The following TEDC1 variants were observed in gnomAD, a reference collection of about 807,000 sequenced individuals.
The protein encoded by TEDC1 is tubulin epsilon and delta complex protein 1.
A neutral mutation model predicts 59.9 loss-of-function variants in TEDC1; 54 were observed. That is an observed-to-expected ratio of 0.90 (90% CI 0.72 to 1.13). The LOEUF (loss-of-function observed/expected upper bound fraction) is 1.13, where lower values mean the gene tolerates loss of function less well. Ranked by LOEUF, TEDC1 falls within the 50% of genes most tolerant of loss-of-function variation. The probability of loss-of-function intolerance (pLI) is 0.00; values close to 1 mark genes in which losing one functional copy is unlikely to be tolerated. For synonymous variants in TEDC1, 353 were observed against 298.1 expected, an observed-to-expected ratio of 1.18 and a Z score of -1.90; for missense variants, 734 against 683.4, an observed-to-expected ratio of 1.07 and a Z score of -0.83.
chr14:105,491,783 C>T (rs1312188922), intron 2 of TEDC1, 83 bp downstream of exon 2: 3 of 1,440,932 alleles, frequency 2.1e-6, no homozygotes, highest in African/African-American at 2.8e-5. Context: ...CAGTAAGCCC[C>T]GCCCCGGCAG....
At chr14:105,497,651 G>A in intron 7 of TEDC1, 147 bp from the exon 8 acceptor site, 1 of 1,180,698 alleles carries the variant, frequency 8.5e-7, no homozygotes, top group South Asian at 1.6e-5. Context: ...TCTAGAGTGT[G>A]GCCTTTGTGC....
At chr14:105,490,938 G>C, upstream of TEDC1, 1 of 1,221,852 alleles carries the variant, frequency 8.2e-7, no homozygotes, top group South Asian at 1.3e-5. Context: ...CGTGACGATT[G>C]AGCCTGCAAG....
chr14:105,490,990 G>A, upstream of TEDC1: 1 of 1,533,920 alleles, frequency 6.5e-7, no homozygotes. Context: ...GCCCTGCCAG[G>A]AGCCCGGAAG....
chr14:105,493,072 G>T (rs1479616319), intron 4 of TEDC1, among the ~76,000 whole-genome samples: 1 of 152,136 alleles, frequency 6.6e-6, no homozygotes, highest in East Asian at 1.9e-4. Flanking sequence ...CTCCCTCCTG[G>T]GCACTGGAGG....
chr14:105,497,477 C>G, intron 7 of TEDC1, 34 bp downstream of exon 7: 1 of 1,536,518 alleles, frequency 6.5e-7, no homozygotes, highest in East Asian at 2.4e-5. Context: ...TCCCGGCATC[C>G]CTTCCCACAG....
chr14:105,494,337 C>G, intron 5 of TEDC1: 1 of 271,564 alleles, frequency 3.7e-6, no homozygotes, highest in South Asian at 3.6e-5. Flanking sequence ...CCAGCCCACA[C>G]TGGGTGAAGG....
intron 4 of TEDC1, among the ~76,000 whole-genome samples, 195 bp from the exon 5 acceptor site, chr14:105,493,640 C>T (rs1567073736): frequency 1.3e-5 from 2 of 152,144 alleles, no homozygotes; most frequent in Non-Finnish European, 2.9e-5. Flanking sequence ...TTGCAGGAGA[C>T]CCCAGCGGTG....
At chr14:105,494,171 G>T in intron 5 of TEDC1, 1 of 575,084 alleles carries the variant, frequency 1.7e-6, no homozygotes, top group South Asian at 2.0e-5. Context: ...TGGCACGGGT[G>T]GGGGCCCAGG....
In TEDC1 at chr14:105,495,862, G is replaced by T; in HGVS notation, c.685-18G>T. 6.5e-7 allele frequency: 1 copy of T among 1,538,466 alleles called. No homozygotes were observed. On this transcript the variant is annotated intron_variant, in intron 5 of 8. Coordinates refer to ENST00000392523, the MANE Select transcript of TEDC1 (RefSeq NM_001367178.1). ...CACTGGCCAGGTGGACTGGGGCCATGGCTGGCTTCCTTCCAAGGTTTCTGG... is the reference window on the plus strand; with the variant it reads ...CACTGGCCAGGTGGACTGGGGCCATTGCTGGCTTCCTTCCAAGGTTTCTGG...
At chr14:105,493,235 G>A (rs1242047683) in intron 4 of TEDC1, among the ~76,000 whole-genome samples, 2 of 152,114 alleles carry the variant, frequency 1.3e-5, no homozygotes, top group Non-Finnish European at 1.5e-5. Context: ...TGACAGGTGG[G>A]TCTGTGGCAG....
At chr14:105,497,317 C>A in intron 6 of TEDC1, 40 bp from the exon 7 acceptor site, 1 of 1,535,102 alleles carries the variant, frequency 6.5e-7, no homozygotes. Flanking sequence ...TCCATGGGGT[C>A]CCGTGTGAGG....
chr14:105,491,642 C>G lies in TEDC1; in HGVS notation c.168C>G (p.Leu56=), dbSNP rs1555439337. The G allele has an allele frequency of 1.9e-6, 3 of 1,549,768 alleles. No individual in the cohort carries two copies. The highest frequency in any genetic ancestry group is 4.9e-5 in the East Asian group (2 of 40,900). ...CGCAGACCTCCGCGCTCTGGCAGCT[C>G]CTCTTCCGTGTGCTCTCGCCACTCC... is the stretch of plus-strand genomic sequence containing the variant. ...RPEATSALWQ[L]LFRVLSPLPA... Residue 56 remains leucine, a synonymous_variant, in exon 2 of 9, where the codon CTC becomes CTG. Coordinates refer to ENST00000392523, the MANE Select transcript of TEDC1 (RefSeq NM_001367178.1).
intron 4 of TEDC1, among the ~76,000 whole-genome samples, chr14:105,493,335 C>T (rs1211615721): frequency 2.6e-5 from 4 of 152,000 alleles, no homozygotes; most frequent in African/African-American, 4.8e-5. Flanking sequence ...TTTCCAGGGA[C>T]CTCTCACCCC....
chr14:105,495,577 C>T, intron 5 of TEDC1: 1 of 331,000 alleles, frequency 3.0e-6, no homozygotes. Context: ...GGGCTGGCGC[C>T]CACCCAGTCA....
At chr14:105,492,423 TGAAG>T in intron 3 of TEDC1, 114 bp downstream of exon 3, 2 of 1,509,722 alleles carry the variant, frequency 1.3e-6, no homozygotes, top group South Asian at 2.5e-5. Flanking sequence ...GGCAGTCCCA[TGAAG>T]GGTTACCCAG....
At chr14:105,493,955 C>T (rs782645455) in intron 5 of TEDC1, 22 bp downstream of exon 5, 39 of 98,964 alleles carry the variant, frequency 3.9e-4, no homozygotes, top group South Asian at 9.1e-4. Flanking sequence ...CAAGCTGCTG[C>T]GGGGGGGTGG....
chr14:105,492,808 C>T (rs745845509), intron 4 of TEDC1, 74 bp downstream of exon 4: 56 of 1,500,208 alleles, frequency 3.7e-5, no homozygotes, highest in Non-Finnish European at 4.0e-5. Flanking sequence ...GTCCCTGCAG[C>T]CCGTCCCGTG....
In TEDC1 at chr14:105,492,120, C is replaced by T. The variant is rs782276134; in HGVS notation, c.240C>T (p.Arg80=). The T allele has an allele frequency of 4.4e-6, 7 of 1,608,950 alleles. No homozygotes were observed. The highest frequency in any genetic ancestry group is 5.9e-6 in the Non-Finnish European group (7 of 1,178,186). The change falls in exon 3 of 9, where the codon CGC becomes CGT. Residue 80 remains arginine (R), a synonymous_variant. Coordinates refer to ENST00000392523, the MANE Select transcript of TEDC1 (RefSeq NM_001367178.1). ...CTTCTGTCCTAGAGGTCCAAGCCCG[C>T]TTGGTGAAGTCAGCACTATGCTCCC... The part of the protein sequence containing the change: ...LASLALEVQA[R]LVKSALCSQG...
At position 105,498,651 on chromosome 14, in the gene TEDC1, CCG is replaced by C. The variant is rs2084401422; in HGVS notation, c.1198_1199del (p.Arg400AlafsTer171). On this transcript the variant is annotated frameshift_variant, in exon 9 of 9. Coordinates refer to ENST00000392523, the MANE Select transcript of TEDC1 (RefSeq NM_001367178.1). LOFTEE classifies it high-confidence loss of function. The stretch of plus-strand genomic sequence containing the variant: ...TGTGGACGGGGGCCAGAGTGGAGTG[CCG>C]CGCGGCGGGCCTCTCGGGAGGCTGT... The C allele has an allele frequency of 1.9e-6, 3 of 1,553,996 alleles. No homozygotes were observed. The highest frequency in any genetic ancestry group is 2.6e-6 in the Non-Finnish European group (3 of 1,149,354).
Sources: allele counts gnomAD v4.1 joint callset (sites outside exome capture counted in the v4.1 genomes callset), GRCh38; gene constraint gnomAD v4.1.1; transcripts MANE v1.5; gene names NCBI Gene and HGNC (gene_info 2026-07-23, HGNC 2026-07-21).